Variants in MYO3B observed in about 807,000 individuals in gnomAD.
The protein encoded by MYO3B is myosin-IIIb.
MYO3B carries 156 observed loss-of-function variants against 174.6 expected under a neutral mutation model. The observed-to-expected ratio is 0.89, with a 90% CI of 0.78 to 1.02. The LOEUF is 1.02. Ranked by LOEUF, MYO3B falls within the 50% of genes least tolerant of loss-of-function variation. MYO3B has a pLI of 0.00. For missense variants in MYO3B, 1,632 were observed against 1,639.4 expected, an observed-to-expected ratio of 1.00 and a Z score of 0.08; for synonymous variants, 563 against 569.1, an observed-to-expected ratio of 0.99 and a Z score of 0.15.
chr2:170,274,140 TAGAC>T (rs2093445784), intron 7 of MYO3B, among the ~76,000 whole-genome samples: 1 of 151,372 alleles, frequency 6.6e-6, no homozygotes. Context: ...AAGATGGCTT[TAGAC>T]AGAGGGAGGG....
At chr2:170,336,654 T>C (rs376368332) in intron 8 of MYO3B, among the ~76,000 whole-genome samples, 2 of 152,214 alleles carry the variant, frequency 1.3e-5, no homozygotes, top group East Asian at 1.9e-4. Context: ...TGGCAGCAGA[T>C]ATATTTGTTT....
chr2:170,600,344 C>A (rs570538861), intron 32 of MYO3B, among the ~76,000 whole-genome samples: 1 of 152,192 alleles, frequency 6.6e-6, no homozygotes, highest in African/African-American at 2.4e-5. Context: ...ATCTCGAAAA[C>A]CACAAAATTG....
At chr2:170,361,485 ATCT>A (rs1401331647) in intron 8 of MYO3B, among the ~76,000 whole-genome samples, 5 of 152,240 alleles carry the variant, frequency 3.3e-5, no homozygotes, top group South Asian at 2.1e-4. Flanking sequence ...CAAAATTGAC[ATCT>A]TCTTGGCTGC....
chr2:170,419,077 C>T (rs1163306407), intron 22 of MYO3B, among the ~76,000 whole-genome samples: 1 of 152,154 alleles, frequency 6.6e-6, no homozygotes, highest in Non-Finnish European at 1.5e-5. Context: ...AAAAGATGCA[C>T]ACATTAGATG....
At chr2:170,276,678 A>G (rs2093465909) in intron 7 of MYO3B, among the ~76,000 whole-genome samples, 1 of 152,200 alleles carries the variant, frequency 6.6e-6, no homozygotes, top group Admixed American at 6.5e-5. Context: ...TTGGTCCTTC[A>G]CAGGTAAATA....
intron 32 of MYO3B, among the ~76,000 whole-genome samples, chr2:170,554,821 G>T (rs1016494755): frequency 6.6e-6 from 1 of 152,096 alleles, no homozygotes; most frequent in African/African-American, 2.4e-5. Flanking sequence ...GTCAAGTTAG[G>T]GTATTTGGCT....
intron 8 of MYO3B, chr2:170,341,084 A>G (rs2093974140): frequency 6.6e-6 from 1 of 152,046 alleles, no homozygotes. Flanking sequence ...GAGCCCTAAA[A>G]CTACTAAGAC....
intron 28 of MYO3B, among the ~76,000 whole-genome samples, chr2:170,512,193 T>C (rs79660914): frequency 0.022 from 3,328 of 151,804 alleles, 46 homozygotes; most frequent in Non-Finnish European, 0.035. Context: ...TTTTGTGTGG[T>C]AGAGATAGAG....
Position 170,653,617 on chromosome 2 carries a change from T to C in MYO3B, c.*496T>C, listed in dbSNP as rs889788263. 1 of 156,620 alleles carries C rather than the reference T, an allele frequency of 6.4e-6. No individual in the cohort carries two copies. The highest frequency in any genetic ancestry group is 1.4e-5 in the Non-Finnish European group (1 of 70,644). 9.7% of individuals were successfully genotyped at this position (156,620 alleles called of 1,614,324 possible). ...CTCCCACCTCCCCCAGAGTCAGGGC[T>C]CCATTGCTGAGTGCCCCATCCTGGA... is the stretch of plus-strand genomic sequence containing the variant. On this transcript the variant is annotated 3_prime_UTR_variant, in exon 35 of 35. Coordinates refer to ENST00000408978, the MANE Select transcript of MYO3B (RefSeq NM_138995.5).
At chr2:170,458,959 G>A (rs941703619) in intron 23 of MYO3B, among the ~76,000 whole-genome samples, 3 of 152,202 alleles carry the variant, frequency 2.0e-5, no homozygotes, top group African/African-American at 7.2e-5. Context: ...CCCTCGCGGT[G>A]AGTGTTACAG....
intron 1 of MYO3B, among the ~76,000 whole-genome samples, chr2:170,181,850 G>A (rs1050229559): frequency 1.3e-5 from 2 of 152,016 alleles, no homozygotes; most frequent in African/African-American, 4.8e-5. Flanking sequence ...GATTGTTTAC[G>A]CTTTCGCTCA....
rs751559561 is a variant in MYO3B, at chr2:170,369,292, G to T, written c.886G>T (p.Val296Leu). 3 of 1,613,858 alleles carry T rather than the reference G, an allele frequency of 1.9e-6. No homozygotes were observed. In the South Asian group the frequency reaches 3.3e-5, roughly 18 times the overall value. The change falls in exon 9 of 35, where the codon GTA (valine) becomes TTA (leucine). Residue 296 changes from valine to leucine, a missense_variant. Transcript: ENST00000408978. ...HLLDHPFIKG[V>L]HGKVLFLQKQ... ...CCTTGACCACCCATTTATTAAAGGA[G>T]TACATGGAAAAGTTCTGTTTCTGCA... is the stretch of plus-strand genomic sequence containing the variant.
At chr2:170,227,923 G>A (rs1436851946) in intron 6 of MYO3B, among the ~76,000 whole-genome samples, 2 of 152,170 alleles carry the variant, frequency 1.3e-5, no homozygotes, top group Non-Finnish European at 2.9e-5. Flanking sequence ...CTGACTTGGT[G>A]TAATAATACG....
At chr2:170,395,755 C>CA (rs1474594199) in intron 16 of MYO3B, among the ~76,000 whole-genome samples, 3 of 151,546 alleles carry the variant, frequency 2.0e-5, no homozygotes, top group African/African-American at 7.3e-5. Flanking sequence ...ACGAGATTTA[C>CA]AAAAAAGAAA....
At chr2:170,633,333 C>G (rs1046164255) in intron 32 of MYO3B, among the ~76,000 whole-genome samples, 2 of 152,178 alleles carry the variant, frequency 1.3e-5, no homozygotes, top group African/African-American at 4.8e-5. Flanking sequence ...AATCAATAAA[C>G]TTAATCCATC....
intron 25 of MYO3B, among the ~76,000 whole-genome samples, chr2:170,496,817 T>G (rs6739923): frequency 0.92 from 139,423 of 151,592 alleles, 65,167 homozygotes; most frequent in East Asian, 1. Context: ...TTGCAGCGAC[T>G]GGATTTGGCC....
chr2:170,221,871 G>A (rs775604356), intron 6 of MYO3B, among the ~76,000 whole-genome samples: 1 of 152,086 alleles, frequency 6.6e-6, no homozygotes, highest in African/African-American at 2.4e-5. Context: ...CCTGGCTTAA[G>A]ATCAGAACAA....
At chr2:170,423,446 G>C (rs1176586081) in intron 22 of MYO3B, among the ~76,000 whole-genome samples, 1 of 152,082 alleles carries the variant, frequency 6.6e-6, no homozygotes, top group Non-Finnish European at 1.5e-5. Flanking sequence ...AATAAAGTGA[G>C]GTGGGGTAGC....
intron 7 of MYO3B, among the ~76,000 whole-genome samples, chr2:170,247,995 T>C (rs866844273): frequency 6.6e-5 from 10 of 152,172 alleles, no homozygotes; most frequent in African/African-American, 2.2e-4. Context: ...CAGCTTTTGC[T>C]TCCTTTGGCC....
Sources: gnomAD v4.1 joint callset for allele counts (sites outside exome capture counted in the v4.1 genomes callset) on GRCh38, gnomAD v4.1.1 for gene constraint, MANE v1.5 for transcripts, NCBI Gene and HGNC (gene_info 2026-07-23, HGNC 2026-07-21) for gene names.